ADAMTSL1: variants seen among roughly 807,000 people sequenced by gnomAD.
ADAMTSL1 encodes ADAMTS-like protein 1.
ADAMTSL1 carries 126 observed loss-of-function variants against 201.8 expected under a neutral mutation model. The observed-to-expected ratio is 0.62, with a 90% CI of 0.54 to 0.72. The LOEUF is 0.72. Among genes scored for constraint, ADAMTSL1 ranks in the 30% least tolerant of loss-of-function variants. The pLI, the probability that ADAMTSL1 is intolerant of heterozygous loss-of-function variation, is 0.00. For synonymous variants in ADAMTSL1, 1,121 were observed against 903.4 expected (o/e 1.24, Z -4.32); for missense variants, 2,679 against 2,277.8 (o/e 1.18, Z -3.59).
intron 2 of ADAMTSL1, among the ~76,000 whole-genome samples, chr9:18,371,679 TA>T (rs1485471345): frequency 6.6e-6 from 1 of 152,238 alleles, no homozygotes; most frequent in Non-Finnish European, 1.5e-5. Flanking sequence ...CAACTTTTTT[TA>T]TGATGAATTT....
chr9:18,707,075 C>T, intron 14 of ADAMTSL1, 27 bp downstream of exon 14: 1 of 1,596,768 alleles, frequency 6.3e-7, no homozygotes, highest in Non-Finnish European at 8.5e-7. Flanking sequence ...TGGCTCAGAT[C>T]CCCGCCATCT....
chr9:18,654,293 C>G (rs1017570066), intron 7 of ADAMTSL1, among the ~76,000 whole-genome samples: 1 of 152,196 alleles, frequency 6.6e-6, no homozygotes, highest in Non-Finnish European at 1.5e-5. Context: ...TGAATTTTAT[C>G]ATTTGATGAT....
intron 2 of ADAMTSL1, among the ~76,000 whole-genome samples, chr9:18,276,783 G>C (rs1283479879): frequency 6.6e-6 from 1 of 152,176 alleles, no homozygotes; most frequent in Non-Finnish European, 1.5e-5. Flanking sequence ...CTAATAAAGT[G>C]AGAACTCACT....
chr9:18,765,884 G>C (rs181105792), intron 16 of ADAMTSL1, among the ~76,000 whole-genome samples: 26 of 152,182 alleles, frequency 1.7e-4, no homozygotes, highest in Non-Finnish European at 3.5e-4. Context: ...ACTCTAGGTA[G>C]GAAGGTTAGG....
intron 2 of ADAMTSL1, among the ~76,000 whole-genome samples, chr9:18,216,955 A>G (rs189587889): frequency 6.6e-6 from 1 of 152,202 alleles, no homozygotes; most frequent in East Asian, 1.9e-4. Context: ...AAATGGGAGT[A>G]CTATTTGTAC....
At chr9:18,900,043 T>A (rs532559031) in intron 26 of ADAMTSL1, among the ~76,000 whole-genome samples, 5 of 152,326 alleles carry the variant, frequency 3.3e-5, no homozygotes, top group African/African-American at 1.2e-4. Flanking sequence ...TCTATCCATC[T>A]GACAAAGGTC....
At chr9:18,493,586 G>C (rs1172813973) in intron 1 of ADAMTSL1, among the ~76,000 whole-genome samples, 1 of 152,180 alleles carries the variant, frequency 6.6e-6, no homozygotes, top group East Asian at 1.9e-4. Context: ...GATGTGACAG[G>C]TTAATCATCT....
At chr9:18,634,224 A>T (rs1188615312) in intron 5 of ADAMTSL1, among the ~76,000 whole-genome samples, 1 of 152,142 alleles carries the variant, frequency 6.6e-6, no homozygotes, top group Non-Finnish European at 1.5e-5. Flanking sequence ...TATTTAACCT[A>T]AATCCTTCCA....
intron 19 of ADAMTSL1, among the ~76,000 whole-genome samples, chr9:18,789,713 A>G (rs1821912516): frequency 6.6e-6 from 1 of 152,190 alleles, no homozygotes; most frequent in African/African-American, 2.4e-5. Context: ...GTATAGCAGC[A>G]CAAGGAAATA....
chr9:18,225,736 GA>G (rs550641092), intron 2 of ADAMTSL1, among the ~76,000 whole-genome samples: 17 of 151,820 alleles, frequency 1.1e-4, no homozygotes, highest in South Asian at 2.1e-4. Context: ...ATGCAGAGAA[GA>G]AAAAAAATTC....
intron 2 of ADAMTSL1, among the ~76,000 whole-genome samples, chr9:18,246,728 G>A (rs1831269465): frequency 6.6e-6 from 1 of 152,152 alleles, no homozygotes; most frequent in African/African-American, 2.4e-5. Flanking sequence ...GTTTTAATAT[G>A]TGAATTGTAG....
At chr9:18,079,652 A>G (rs1823391280) in intron 1 of ADAMTSL1, among the ~76,000 whole-genome samples, 1 of 151,702 alleles carries the variant, frequency 6.6e-6, no homozygotes, top group African/African-American at 2.4e-5. Flanking sequence ...ACTGCACTCC[A>G]GTCTGGGAGA....
At chr9:18,619,014 G>A (rs2132654060) in intron 4 of ADAMTSL1, among the ~76,000 whole-genome samples, 1 of 152,294 alleles carries the variant, frequency 6.6e-6, no homozygotes, top group African/African-American at 2.4e-5. Flanking sequence ...GTTACCTCTG[G>A]AATCTGGACA....
intron 1 of ADAMTSL1, among the ~76,000 whole-genome samples, chr9:18,077,944 C>G (rs1038598221): frequency 1.3e-5 from 2 of 152,138 alleles, no homozygotes; most frequent in African/African-American, 4.8e-5. Flanking sequence ...GCATCCCCAT[C>G]TTGGCCTTTC....
intron 26 of ADAMTSL1, among the ~76,000 whole-genome samples, chr9:18,896,035 A>AGAT (rs1051168702): frequency 3.3e-5 from 4 of 123,010 alleles, no homozygotes; most frequent in African/African-American, 1.2e-4. Flanking sequence ...ACTTGAAGAT[A>AGAT]GATAGGCCAA....
chr9:18,061,881 A>G (rs1029166703), intron 1 of ADAMTSL1, among the ~76,000 whole-genome samples: 1 of 152,230 alleles, frequency 6.6e-6, no homozygotes, highest in African/African-American at 2.4e-5. Flanking sequence ...ACCAAACGGC[A>G]TCTTCAATTT....
chr9:18,512,989 A>G (rs1818124738), intron 2 of ADAMTSL1, among the ~76,000 whole-genome samples: 1 of 152,224 alleles, frequency 6.6e-6, no homozygotes, highest in African/African-American at 2.4e-5. Flanking sequence ...TAATCCCTAT[A>G]CCACAGAACA....
chr9:18,395,001 C>G (rs1223955453), intron 2 of ADAMTSL1, among the ~76,000 whole-genome samples: 1 of 152,128 alleles, frequency 6.6e-6, no homozygotes, highest in Non-Finnish European at 1.5e-5. Flanking sequence ...TCTTGGAAAC[C>G]TTGGTTTAAG....
chr9:18,092,173 G>A (rs934365262), intron 1 of ADAMTSL1, among the ~76,000 whole-genome samples: 1 of 152,032 alleles, frequency 6.6e-6, no homozygotes, highest in African/African-American at 2.4e-5. Context: ...AAATGAATAA[G>A]ACATTGACTT....
Sources: gnomAD v4.1 joint callset for allele counts (sites outside exome capture counted in the v4.1 genomes callset) on GRCh38, gnomAD v4.1.1 for gene constraint, MANE v1.5 for transcripts, NCBI Gene and HGNC (gene_info 2026-07-23, HGNC 2026-07-21) for gene names.